PROCA1: variants seen among roughly 807,000 people sequenced by gnomAD.
The protein encoded by PROCA1 is protein interacting with cyclin A1.
A neutral mutation model predicts 23.2 loss-of-function variants in PROCA1; 22 were observed. That is an observed-to-expected ratio of 0.95 (90% CI 0.68 to 1.35). The LOEUF is 1.35. Among genes scored for constraint, PROCA1 ranks in the 40% most tolerant of loss-of-function variants. The pLI, the probability that PROCA1 is intolerant of heterozygous loss-of-function variation, is 0.00. For missense variants in PROCA1, 469 were observed against 459.8 expected, an observed-to-expected ratio of 1.02 and a Z score of -0.18; for synonymous variants, 182 against 179.2, an observed-to-expected ratio of 1.02 and a Z score of -0.12.
At chr17:28,710,751 A>C in intron 1 of PROCA1, 5 of 1,296,258 alleles carry the variant, frequency 3.9e-6, no homozygotes, top group Non-Finnish European at 5.1e-6. Context: ...CTGCAGCAGG[A>C]GTGACTGACA....
At position 28,703,889 on chromosome 17, in the gene PROCA1, A is replaced by C. The variant is rs373807531; in HGVS notation, c.764T>G (p.Leu255Arg). 6.8e-6 allele frequency: 11 copies of C among 1,613,546 alleles called. No homozygotes were observed. Among genetic ancestry groups the C allele is most frequent in the Non-Finnish European group, 9.3e-6 (11 of 1,179,930 alleles). ...CTGGCCTTTCTTGGCTTTTTTCTTC[A>C]GCTTTGCCTTCTCATCCATCTCCTC... The part of the protein sequence containing the change: ...DKEEMDEKAK[L>R]KKKAKKGQLT... Residue 255 changes from leucine to arginine, a missense_variant, in exon 5 of 5, where the codon CTG (leucine) becomes CGG (arginine). Leu to Arg is a moderately radical substitution (Grantham distance 102). Coordinates refer to ENST00000682792, the MANE Select transcript of PROCA1 (RefSeq NM_001366301.1).
Position 28,703,303 on chromosome 17 carries a change from T to C in PROCA1, c.*255A>G. On this transcript the variant is annotated 3_prime_UTR_variant, in exon 5 of 5. Transcript: ENST00000682792. ...CTCTCGCAGCAGAGAGGGGAAGCCC[T>C]CCTTCCCACCCCAGATACACTCTTC... 3.9e-6 allele frequency: 2 copies of C among 508,920 alleles called. No homozygotes were observed. Among genetic ancestry groups the C allele is most frequent in the Non-Finnish European group, 7.0e-6 (2 of 287,658 alleles). 31.5% of individuals were successfully genotyped at this position (508,920 alleles called of 1,614,324 possible).
rs1027368219 is a variant in PROCA1, at chr17:28,704,092, G to A, written c.561C>T (p.Ile187=). 2 of 1,587,598 alleles carry A rather than the reference G, an allele frequency of 1.3e-6. No homozygotes were observed. Among genetic ancestry groups the A allele is most frequent in the African/African-American group, 1.4e-5 (1 of 73,254 alleles). The change falls in exon 5 of 5, where the codon ATC becomes ATT. Residue 187 remains isoleucine (I), a synonymous_variant. Coordinates refer to ENST00000682792, the MANE Select transcript of PROCA1 (RefSeq NM_001366301.1). ...CGGTGGCGGGCCCCACCTGTGTCGG[G>A]ATGGGGGGCTTGCTTTCCTCCTCCT... is the stretch of plus-strand genomic sequence containing the variant. ...EEEEEESKPP[I]PTQVGPATAS...
In PROCA1 at chr17:28,703,617, G is replaced by A. The variant is rs767322592; in HGVS notation, c.1036C>T (p.Gln346Ter). Reference protein sequence around the residue: ...QAKKTGAKPSQARKVNKRKSP... With the variant: ...QAKKTGAKPS ...TTTCTCTTGTTTACCTTCCTGGCTTGTGAGGGCTTTGCCCCTGTCTTTTTG... is the reference window on the plus strand; with the variant it reads ...TTTCTCTTGTTTACCTTCCTGGCTTATGAGGGCTTTGCCCCTGTCTTTTTG... The change falls in exon 5 of 5, where the codon CAA becomes TAA. Residue 346 changes from glutamine (Q) to a stop codon, truncating the protein, a stop_gained. Coordinates refer to ENST00000682792, the MANE Select transcript of PROCA1 (RefSeq NM_001366301.1). LOFTEE classifies it high-confidence loss of function. 3 of 1,614,110 alleles carry A rather than the reference G, an allele frequency of 1.9e-6. No individual in the cohort carries two copies. The highest frequency in any genetic ancestry group is 2.7e-5 in the African/African-American group (2 of 74,938).
chr17:28,707,751 C>A (rs897583700), intron 1 of PROCA1: 1 of 152,226 alleles, frequency 6.6e-6, no homozygotes, highest in East Asian at 1.9e-4. Context: ...ACTGCATATC[C>A]CCCTTTCAAT....
At chr17:28,708,730 G>GATAAAAAAAAAA (rs1368224587) in intron 1 of PROCA1, among the ~76,000 whole-genome samples, 1 of 113,108 alleles carries the variant, frequency 8.8e-6, no homozygotes. Flanking sequence ...TCCAGAAAAA[G>GATAAAAAAAAAA]GAAAAAAAAA....
intron 1 of PROCA1, 130 bp downstream of exon 1, chr17:28,711,440 A>C: frequency 2.7e-6 from 2 of 736,272 alleles, no homozygotes; most frequent in Non-Finnish European, 4.1e-6. Flanking sequence ...GCCCCGGCCC[A>C]GCACTGGGCC....
At chr17:28,706,117 T>A (rs1229454616) in intron 2 of PROCA1, 1 of 155,176 alleles carries the variant, frequency 6.4e-6, no homozygotes, top group Non-Finnish European at 1.4e-5. Flanking sequence ...CTCACTACAC[T>A]GCTGACCCAT....
In PROCA1 at chr17:28,711,613, C is replaced by T. The variant is rs781340036; in HGVS notation, c.48G>A (p.Lys16=). Residue 16 remains lysine, a synonymous_variant, in exon 1 of 5, where the codon AAG becomes AAA. Coordinates refer to ENST00000682792, the MANE Select transcript of PROCA1 (RefSeq NM_001366301.1). ...CCCACGAGCGGGCCTTGGGCTCGGT[C>T]TTTTCCTTAGTCCATCTTTCAATTG... ...TLTIERWTKE[K]TEPKARSWDE... is the part of the protein sequence containing the mutation. 1.9e-6 allele frequency: 3 copies of T among 1,612,586 alleles called. No individual in the cohort carries two copies. The South Asian group carries it at 3.3e-5, about 18-fold the overall frequency.
Position 28,704,051 on chromosome 17 carries a change from C to G in PROCA1, c.602G>C (p.Gly201Ala), listed in dbSNP as rs1343424201. The change falls in exon 5 of 5, where the codon GGC becomes GCC. Residue 201 changes from glycine to alanine, a missense_variant. By Grantham distance (60) the Gly-to-Ala change is moderately conservative. Coordinates refer to ENST00000682792, the MANE Select transcript of PROCA1 (RefSeq NM_001366301.1). ...AGGGGTACCAGTGGCCATGCTGGTG[C>G]CTAGGTCAGGGGAGGCGGTGGCGGG... ...VGPATASPDL[G>A]TSMATGTPDS... is the part of the protein sequence containing the mutation. 2.5e-6 allele frequency: 4 copies of G among 1,609,342 alleles called. No individual in the cohort carries two copies. In the Admixed American group the frequency reaches 6.8e-5, roughly 27 times the overall value.
In PROCA1 at chr17:28,703,696, G is replaced by T. The variant is rs369557485; in HGVS notation, c.957C>A (p.Ser319Arg). The T allele has an allele frequency of 1.2e-6, 2 of 1,614,062 alleles. No individual in the cohort carries two copies. The highest frequency in any genetic ancestry group is 8.5e-7 in the Non-Finnish European group (1 of 1,180,018). The part of the protein sequence containing the change: ...YNGRGQGELS[S>R]EDIVESSSPR... ...GCGATGATGATTCCACAATATCCTC[G>T]CTGGACAGTTCTCCCTGCCCCCGGC... The change falls in exon 5 of 5, where the codon AGC becomes AGA. Residue 319 changes from serine to arginine, a missense_variant. Ser to Arg is a moderately radical substitution (Grantham distance 110). Coordinates refer to ENST00000682792, the MANE Select transcript of PROCA1 (RefSeq NM_001366301.1).
In PROCA1 at chr17:28,709,597, C is replaced by T. The variant is rs117164092; in HGVS notation, c.91+1973G>A. Among the ~76,000 whole-genome samples, 127 of 151,256 alleles carry T rather than the reference C, an allele frequency of 8.4e-4. No individual in the cohort carries two copies. The East Asian group carries it at 0.02, about 23-fold the overall frequency. ...ACCACATTCTGCTTGAGTGAGCCGG[C>T]GAGGCAGAGGTTGCAGTGAGCTGAG... On this transcript the variant is annotated intron_variant, in intron 1 of 4. Transcript: ENST00000682792.
At chr17:28,707,813 A>C (rs2032589436) in intron 1 of PROCA1, 2 of 152,180 alleles carry the variant, frequency 1.3e-5, no homozygotes, top group South Asian at 4.1e-4. Context: ...TTCCCTCGGC[A>C]CTAGAAAAGA....
Position 28,704,190 on chromosome 17 carries a change from A to G in PROCA1, c.463T>C (p.Ser155Pro), listed in dbSNP as rs1254835667. 1 of 1,544,950 alleles carries G rather than the reference A, an allele frequency of 6.5e-7. No individual in the cohort carries two copies. The highest frequency in any genetic ancestry group is 2.3e-5 in the East Asian group (1 of 44,440). Residue 155 changes from serine to proline, a missense_variant, in exon 5 of 5, where the codon TCT becomes CCT. By Grantham distance (74) the Ser-to-Pro change is moderately conservative. Transcript: ENST00000682792. ...AGTGGATGGTGGATCACTGCCACAG[A>G]GACAGGTCTGTAGCTTTTGCACCTG... Reference protein sequence around the residue: ...YGWCKSYRPVSVAVIHHPLYH... With the variant: ...YGWCKSYRPVPVAVIHHPLYH...
chr17:28,703,640 T>C lies in PROCA1; in HGVS notation c.1013A>G (p.Lys338Arg). ...PRKRENTVQA[K>R]KTGAKPSQAR... The stretch of plus-strand genomic sequence containing the variant: ...TTGTGAGGGCTTTGCCCCTGTCTTT[T>C]TGGCCTGGACTGTGTTCTCTCTCTT... Residue 338 changes from lysine to arginine, a missense_variant, in exon 5 of 5, where the codon AAA becomes AGA. Physicochemically the swap from Lys to Arg is conservative, Grantham distance 26. Transcript: ENST00000682792. The C allele has an allele frequency of 6.2e-7, 1 of 1,614,228 alleles. No homozygotes were observed. The highest frequency in any genetic ancestry group is 8.5e-7 in the Non-Finnish European group (1 of 1,180,042).
At chr17:28,710,363 T>C (rs1253010364) in intron 1 of PROCA1, among the ~76,000 whole-genome samples, 1 of 151,468 alleles carries the variant, frequency 6.6e-6, no homozygotes, top group Non-Finnish European at 1.5e-5. Flanking sequence ...AAAAAATAGC[T>C]GGGCGTGGTG....
In PROCA1 at chr17:28,706,706, C is replaced by T; in HGVS notation, c.149G>A (p.Ser50Asn). The change falls in exon 2 of 5, where the codon AGC becomes AAC. Residue 50 changes from serine (S) to asparagine (N), a missense_variant. Ser to Asn is a conservative substitution (Grantham distance 46, BLOSUM62 1). Coordinates refer to ENST00000682792, the MANE Select transcript of PROCA1 (RefSeq NM_001366301.1). ...TTCAGAGAAGGTAGACACATCAGTG[C>T]TGGACGCCACACCAGCCAGCAGATG... Reference protein sequence around the residue: ...RGHLLAGVASSTDVSTFSEGD... With the variant: ...RGHLLAGVASNTDVSTFSEGD... 1.5e-6 allele frequency: 2 copies of T among 1,303,826 alleles called. No individual in the cohort carries two copies. Among genetic ancestry groups the T allele is most frequent in the Non-Finnish European group, 2.0e-6 (2 of 988,892 alleles). 80.8% of individuals were successfully genotyped at this position (1,303,826 alleles called of 1,614,324 possible).
chr17:28,707,075 T>C (rs1204885261), intron 1 of PROCA1: 1 of 317,046 alleles, frequency 3.2e-6, no homozygotes, highest in Non-Finnish European at 6.4e-6. Flanking sequence ...CTGGGGACTA[T>C]GGAAGACTTC....
At position 28,703,697 on chromosome 17, in the gene PROCA1, C is replaced by T. The variant is rs1331230083; in HGVS notation, c.956G>A (p.Ser319Asn). The T allele has an allele frequency of 3.1e-6, 5 of 1,614,068 alleles. No individual in the cohort carries two copies. The highest frequency in any genetic ancestry group is 4.2e-6 in the Non-Finnish European group (5 of 1,180,044). Residue 319 changes from serine to asparagine, a missense_variant, in exon 5 of 5, where the codon AGC becomes AAC. By Grantham distance (46) the Ser-to-Asn change is conservative (BLOSUM62 1). Transcript: ENST00000682792. Reference protein sequence around the residue: ...YNGRGQGELSSEDIVESSSPR... With the variant: ...YNGRGQGELSNEDIVESSSPR... ...CGATGATGATTCCACAATATCCTCG[C>T]TGGACAGTTCTCCCTGCCCCCGGCC...
Sources: allele counts gnomAD v4.1 joint callset (sites outside exome capture counted in the v4.1 genomes callset), GRCh38; gene constraint gnomAD v4.1.1; transcripts MANE v1.5; gene names NCBI Gene and HGNC (gene_info 2026-07-23, HGNC 2026-07-21).